SERBP1: variants seen among roughly 807,000 people sequenced by gnomAD.
SERBP1 encodes the protein SERPINE1 mRNA-binding protein 1.
Under a neutral mutation model 50.2 loss-of-function variants are expected in SERBP1, and 6 were observed. The observed-to-expected ratio is 0.12, with a 90% CI of 0.07 to 0.24. The LOEUF is 0.24. Among genes scored for constraint, SERBP1 ranks in the 10% least tolerant of loss-of-function variants. SERBP1 has a pLI of 1.00. For synonymous variants in SERBP1, 168 were observed against 182.8 expected (o/e 0.92, Z 0.65); for missense variants, 346 against 524.9 (o/e 0.66, Z 3.33).
At chr1:67,424,307 G>A in intron 4 of SERBP1, 30 bp from the exon 5 acceptor site, 1 of 1,607,394 alleles carries the variant, frequency 6.2e-7, no homozygotes, top group African/African-American at 1.3e-5. Flanking sequence ...GTTTCTGAAT[G>A]TATTTGGGGG....
rs574600603 is a variant in SERBP1 at position 67,423,453 on chromosome 1, A to G, written c.773+747T>C. Among the ~76,000 whole-genome samples the G allele has an allele frequency of 4.0e-4, 61 of 152,056 alleles. No homozygotes were observed. The South Asian group carries it at 8.5e-3, about 21-fold the overall frequency. ...GAAACCCTGTCTCTACTAAAAATACAAAAATTAGCCGGGCCTGGTGGCAGG... is the reference window on the plus strand; with the variant it reads ...GAAACCCTGTCTCTACTAAAAATACGAAAATTAGCCGGGCCTGGTGGCAGG... On this transcript the variant is annotated intron_variant, in intron 5 of 7. Coordinates refer to ENST00000361219, the MANE Select transcript of SERBP1 (RefSeq NM_001018069.2).
intron 6 of SERBP1, among the ~76,000 whole-genome samples, chr1:67,417,824 A>G (rs1667066082): frequency 6.6e-6 from 1 of 151,712 alleles, no homozygotes; most frequent in Admixed American, 6.6e-5. Context: ...TTTCTAGAGC[A>G]CTCAGACAAT....
At position 67,410,778 on chromosome 1, in the gene SERBP1, G is replaced by A. The variant is rs1666810259; in HGVS notation, c.*2429C>T. On this transcript the variant is annotated 3_prime_UTR_variant, in exon 8 of 8. Transcript: ENST00000361219. ...ATGCTTAACTTTCATTATCAAAAAAGTGATCTGCTAAGAAGTGACAATCAG... is the reference window on the plus strand; with the variant it reads ...ATGCTTAACTTTCATTATCAAAAAAATGATCTGCTAAGAAGTGACAATCAG... 1 of 152,156 alleles carries A rather than the reference G, an allele frequency of 6.6e-6. No individual in the cohort carries two copies. The highest frequency in any genetic ancestry group is 1.5e-5 in the Non-Finnish European group (1 of 68,014). The allele number at this position is 152,156 out of a possible 1,614,324, so 9.4% of individuals were successfully genotyped here.
In SERBP1 at chr1:67,409,975, A is replaced by G. The variant is rs183981965; in HGVS notation, c.*3232T>C. On this transcript the variant is annotated 3_prime_UTR_variant, in exon 8 of 8. Coordinates refer to ENST00000361219, the MANE Select transcript of SERBP1 (RefSeq NM_001018069.2). ...TTCAGACTTGCTAAAACTTATTTAC[A>G]TATTTGTCTCAGTATAATCCAAAAC... 2 of 152,306 alleles carry G rather than the reference A, an allele frequency of 1.3e-5. No homozygotes were observed. The highest frequency in any genetic ancestry group is 1.9e-4 in the East Asian group (1 of 5,184). The allele number at this position is 152,306 out of a possible 1,614,324, so 9.4% of individuals were successfully genotyped here. A position where few individuals can be genotyped will look rare whatever the true frequency, so the allele number is the denominator to read the frequency against.
chr1:67,428,057 C>A (rs1032988697), intron 1 of SERBP1, among the ~76,000 whole-genome samples: 1 of 152,196 alleles, frequency 6.6e-6, no homozygotes, highest in African/African-American at 2.4e-5. Flanking sequence ...AACCTTCCTA[C>A]TACATGCAGC....
chr1:67,429,348 C>G (rs888773661), intron 1 of SERBP1: 1 of 152,252 alleles, frequency 6.6e-6, no homozygotes, highest in African/African-American at 2.4e-5. Context: ...CATTTCCCAA[C>G]GGCTCAACTC....
intron 2 of SERBP1, among the ~76,000 whole-genome samples, chr1:67,425,485 A>G (rs1044032276): frequency 4.6e-5 from 7 of 152,244 alleles, no homozygotes; most frequent in African/African-American, 1.7e-4. Context: ...TTCATTGCAC[A>G]TATAATCCAG....
At chr1:67,427,722 C>T (rs1271999981) in intron 1 of SERBP1, among the ~76,000 whole-genome samples, 1 of 152,186 alleles carries the variant, frequency 6.6e-6, no homozygotes, top group Non-Finnish European at 1.5e-5. Flanking sequence ...GGCGTCCCCA[C>T]CCAATATCAA....
chr1:67,427,552 A>C (rs1233225700), intron 1 of SERBP1, among the ~76,000 whole-genome samples: 1 of 152,210 alleles, frequency 6.6e-6, no homozygotes, highest in African/African-American at 2.4e-5. Context: ...AGAATTTTGA[A>C]GTTCATTCCC....
rs569695846 is a variant in SERBP1, at chr1:67,424,107, C to CAA, written c.773+91_773+92dup. On this transcript the variant is annotated intron_variant, in intron 5 of 7. Coordinates refer to ENST00000361219, the MANE Select transcript of SERBP1 (RefSeq NM_001018069.2). ...TCCCTTGTCAAAAACAAAAAGCCATCAAGTAACAGCATTAAATCTATGGGT... is the reference window on the plus strand; with the variant it reads ...TCCCTTGTCAAAAACAAAAAGCCATCAAAAGTAACAGCATTAAATCTATGGGT... 320 of 1,300,750 alleles carry CAA rather than the reference C, an allele frequency of 2.5e-4. 1 individual carries two copies. The East Asian group carries it at 6.7e-3, about 27-fold the overall frequency. 80.6% of individuals were successfully genotyped at this position (1,300,750 alleles called of 1,614,324 possible).
chr1:67,429,929 G>A (rs1004396718), intron 1 of SERBP1, 59 bp downstream of exon 1: 8 of 1,492,940 alleles, frequency 5.4e-6, no homozygotes, highest in South Asian at 4.0e-5. Context: ...GTGGCAGCCG[G>A]CAGCCCCCTC....
rs142012082 is a variant in SERBP1, at chr1:67,415,349, T to C, written c.952-10A>G. ...AATCTTCAGCATGAGCCTAAAAATATAAGTGAAGATGATTGTGTTATTAGT... is the reference window on the plus strand; with the variant it reads ...AATCTTCAGCATGAGCCTAAAAATACAAGTGAAGATGATTGTGTTATTAGT... On this transcript the variant is annotated splice_polypyrimidine_tract_variant and intron_variant, in intron 6 of 7. Transcript: ENST00000361219. 272 of 1,558,750 alleles carry C rather than the reference T, an allele frequency of 1.7e-4. 1 individual carries two copies. In the African/African-American group the frequency reaches 3.5e-3, roughly 20 times the overall value.
At chr1:67,427,079 T>C (rs1667411007) in intron 1 of SERBP1, among the ~76,000 whole-genome samples, 3 of 152,210 alleles carry the variant, frequency 2.0e-5, no homozygotes, top group Admixed American at 2.0e-4. Flanking sequence ...AAACAGTTAC[T>C]TATTATGCAT....
At chr1:67,422,230 A>T (rs911379274) in intron 5 of SERBP1, among the ~76,000 whole-genome samples, 4 of 152,038 alleles carry the variant, frequency 2.6e-5, no homozygotes, top group Non-Finnish European at 4.4e-5. Context: ...GAAAAGAAAA[A>T]GTTTAAGGTG....
At position 67,411,720 on chromosome 1, in the gene SERBP1, T is replaced by C. The variant is rs976538202; in HGVS notation, c.*1487A>G. 6.6e-6 allele frequency: 1 copy of C among 152,210 alleles called. No individual in the cohort carries two copies. The highest frequency in any genetic ancestry group is 2.4e-5 in the African/African-American group (1 of 41,460). The allele number at this position is 152,210 out of a possible 1,614,324, so 9.4% of individuals were successfully genotyped here. On this transcript the variant is annotated 3_prime_UTR_variant, in exon 8 of 8. Coordinates refer to ENST00000361219, the MANE Select transcript of SERBP1 (RefSeq NM_001018069.2). ...AAATAGAAATGTTTAAGATTGAAGA[T>C]GTCCAATATTTTTAAAACTGGACAT...
chr1:67,425,024 A>T (rs779183843), intron 3 of SERBP1, 47 bp from the exon 4 acceptor site: 1 of 1,600,664 alleles, frequency 6.2e-7, no homozygotes, highest in Non-Finnish European at 8.5e-7. Context: ...TAGAAATTCA[A>T]AGTTTGTTTA....
At chr1:67,428,613 A>C (rs953504793) in intron 1 of SERBP1, among the ~76,000 whole-genome samples, 1 of 152,060 alleles carries the variant, frequency 6.6e-6, no homozygotes, top group African/African-American at 2.4e-5. Flanking sequence ...AGTGATATAC[A>C]TGCTTTCTAA....
Position 67,424,286 on chromosome 1 carries a change from A to G in SERBP1, c.696-9T>C. The G allele has an allele frequency of 2.5e-6, 4 of 1,610,684 alleles. No homozygotes were observed. The highest frequency in any genetic ancestry group is 3.4e-6 in the Non-Finnish European group (4 of 1,178,448). The stretch of plus-strand genomic sequence containing the variant: ...TTGATTGATCCAAGTCACTGTAATT[A>G]TAAGATATTTGTTTCTGAATGTATT... On this transcript the variant is annotated splice_polypyrimidine_tract_variant and intron_variant, in intron 4 of 7. Transcript: ENST00000361219.
Position 67,420,463 on chromosome 1 carries a change from C to T in SERBP1, c.774-277G>A, listed in dbSNP as rs559073981. On this transcript the variant is annotated intron_variant, in intron 5 of 7. Transcript: ENST00000361219. ...GTAATACAATCTAGAACTGGCTTTACGAATACTAAAATACACATTTCTTAA... is the reference window on the plus strand; with the variant it reads ...GTAATACAATCTAGAACTGGCTTTATGAATACTAAAATACACATTTCTTAA... 21 of 283,098 alleles carry T rather than the reference C, an allele frequency of 7.4e-5. No homozygotes were observed. In the East Asian group the frequency reaches 8.6e-4, roughly 12 times the overall value. 17.5% of individuals were successfully genotyped at this position (283,098 alleles called of 1,614,324 possible).
Sources: gnomAD v4.1 joint callset for allele counts (sites outside exome capture counted in the v4.1 genomes callset) on GRCh38, gnomAD v4.1.1 for gene constraint, MANE v1.5 for transcripts, NCBI Gene and HGNC (gene_info 2026-07-23, HGNC 2026-07-21) for gene names.